The following CNST variants were observed in gnomAD, a reference collection of about 807,000 sequenced individuals.
CNST encodes consortin.
Under a neutral mutation model 72.4 loss-of-function variants are expected in CNST, and 39 were observed. The observed-to-expected ratio is 0.54, with a 90% CI of 0.42 to 0.70. CNST has a LOEUF of 0.70. Ranked by LOEUF, CNST falls within the 30% of genes least tolerant of loss-of-function variation. The pLI, the probability that CNST is intolerant of heterozygous loss-of-function variation, is 0.00. For synonymous variants in CNST, 332 were observed against 320.1 expected (o/e 1.04, Z -0.40); for missense variants, 871 against 868.5 (o/e 1.00, Z -0.04).
chr1:246,578,387 C>G lies in CNST; in HGVS notation c.-52+11724C>G, dbSNP rs1181725669. Among the ~76,000 whole-genome samples the G allele has an allele frequency of 2.0e-5, 3 of 152,012 alleles. No individual in the cohort carries two copies. In the East Asian group the frequency reaches 5.8e-4, roughly 29 times the overall value. ...GTGTGGATTCTGTATTAACCATTGCCTTCGGCTGGGCGTGGTGGCTCACGC... is the reference window on the plus strand; with the variant it reads ...GTGTGGATTCTGTATTAACCATTGCGTTCGGCTGGGCGTGGTGGCTCACGC... On this transcript the variant is annotated intron_variant, in intron 1 of 10. Transcript: ENST00000366513.
In CNST at chr1:246,665,697, C is replaced by T; in HGVS notation, c.1973-3C>T. 2 of 1,611,464 alleles carry T rather than the reference C, an allele frequency of 1.2e-6. No individual in the cohort carries two copies. Among genetic ancestry groups the T allele is most frequent in the Non-Finnish European group, 1.7e-6 (2 of 1,178,956 alleles). On this transcript the variant is annotated splice_region_variant and splice_polypyrimidine_tract_variant and intron_variant, in intron 10 of 10. Coordinates refer to ENST00000366513, the MANE Select transcript of CNST (RefSeq NM_152609.3). ...GTAACCTCACTCTTTCTCATGTTTG[C>T]AGATGAAGTTGGAGGTGGCTCCTGT... is the stretch of plus-strand genomic sequence containing the variant.
chr1:246,660,118 G>T (rs1052379008), intron 9 of CNST, 81 bp from the exon 10 acceptor site: 2 of 1,196,022 alleles, frequency 1.7e-6, no homozygotes. Context: ...TCAAATATCT[G>T]TTGAATGAGC....
chr1:246,634,452 T>C, intron 5 of CNST, 21 bp from the exon 6 acceptor site: 1 of 1,451,928 alleles, frequency 6.9e-7, no homozygotes, highest in Non-Finnish European at 9.4e-7. Context: ...AGCCAGTGAC[T>C]AACAAATACT....
At chr1:246,636,312 G>A (rs1431022826) in intron 6 of CNST, among the ~76,000 whole-genome samples, 2 of 152,066 alleles carry the variant, frequency 1.3e-5, no homozygotes, top group African/African-American at 2.4e-5. Flanking sequence ...TTACTGGGTT[G>A]GTAAGTGTCC....
At chr1:246,601,921 T>A (rs1054423399) in intron 2 of CNST, among the ~76,000 whole-genome samples, 3 of 152,200 alleles carry the variant, frequency 2.0e-5, no homozygotes, top group African/African-American at 7.2e-5. Flanking sequence ...TGGAAGATGG[T>A]AGGAGATGAG....
intron 9 of CNST, among the ~76,000 whole-genome samples, chr1:246,659,061 G>A (rs913745878): frequency 6.6e-6 from 1 of 152,158 alleles, no homozygotes; most frequent in African/African-American, 2.4e-5. Context: ...TAAAGGGGTG[G>A]GGTGGGTGTC....
intron 9 of CNST, among the ~76,000 whole-genome samples, chr1:246,658,369 T>G (rs973829081): frequency 2.6e-5 from 4 of 152,202 alleles, no homozygotes; most frequent in African/African-American, 9.6e-5. Context: ...TATTTGTACT[T>G]TACCATTTCA....
intron 8 of CNST, among the ~76,000 whole-genome samples, chr1:246,645,423 A>ATTTTTTTTTTTTTTTTTTTT (rs762655117): frequency 1.9e-5 from 2 of 106,072 alleles, no homozygotes; most frequent in African/African-American, 3.5e-5. Context: ...AAAGGTTAAA[A>ATTTTTTTTTTTTTTTTTTTT]CTTTTTTTTT....
chr1:246,644,388 CAAAAAA>C (rs58278885), intron 8 of CNST, among the ~76,000 whole-genome samples: 41 of 102,148 alleles, frequency 4.0e-4, no homozygotes, highest in Admixed American at 6.6e-4. Context: ...ACTCTGTCTC[CAAAAAA>C]AAAAAAAAAA....
Position 246,647,178 on chromosome 1 carries a change from G to A in CNST, c.977G>A (p.Ser326Asn), listed in dbSNP as rs781697479. The change falls in exon 9 of 11, where the codon AGC becomes AAC. Residue 326 changes from serine to asparagine, a missense_variant. Physicochemically the swap from Ser to Asn is conservative, Grantham distance 46. Coordinates refer to ENST00000366513, the MANE Select transcript of CNST (RefSeq NM_152609.3). ...CTCGGCACAGAGTCAAGTAAAGAAA[G>A]CCAACATACAGTGGAGCCCCTGGGG... ...TCLGTESSKE[S>N]QHTVEPLGSS... 6.2e-7 allele frequency: 1 copy of A among 1,613,990 alleles called. No homozygotes were observed. The highest frequency in any genetic ancestry group is 8.5e-7 in the Non-Finnish European group (1 of 1,179,988).
intron 2 of CNST, among the ~76,000 whole-genome samples, chr1:246,610,555 C>T (rs1269303762): frequency 6.6e-6 from 1 of 152,076 alleles, no homozygotes; most frequent in African/African-American, 2.4e-5. Context: ...TATTGAAAAC[C>T]GGACATTGGT....
At chr1:246,637,562 CA>C (rs1204946395) in intron 6 of CNST, among the ~76,000 whole-genome samples, 2 of 152,150 alleles carry the variant, frequency 1.3e-5, no homozygotes, top group Admixed American at 6.5e-5. Context: ...CACGGAGTCT[CA>C]TGAGGGTGTA....
chr1:246,625,110 C>T (rs550343478), intron 3 of CNST, among the ~76,000 whole-genome samples: 1 of 152,334 alleles, frequency 6.6e-6, no homozygotes, highest in Non-Finnish European at 1.5e-5. Context: ...CCATTATCAA[C>T]CCCAAGAAAT....
rs1664799738 is a variant in CNST at position 246,631,979 on chromosome 1, A to G, written c.616+55A>G. 27 of 994,350 alleles carry G rather than the reference A, an allele frequency of 2.7e-5. No individual in the cohort carries two copies. The South Asian group carries it at 3.4e-4, about 13-fold the overall frequency. The allele number at this position is 994,350 out of a possible 1,614,324, so 61.6% of individuals were successfully genotyped here. A position where few individuals can be genotyped will look rare whatever the true frequency, so the allele number is the denominator to read the frequency against. On this transcript the variant is annotated intron_variant, in intron 4 of 10. Transcript: ENST00000366513. ...TTTTAGAACTCTTACAGAACCATTC[A>G]TTTTTTTTAATTGAAGTATATTTTA...
chr1:246,568,271 C>T (rs1659848806), intron 1 of CNST, among the ~76,000 whole-genome samples: 1 of 152,172 alleles, frequency 6.6e-6, no homozygotes, highest in Non-Finnish European at 1.5e-5. Flanking sequence ...CCTAGAAAAA[C>T]TGATGTCATT....
intron 2 of CNST, among the ~76,000 whole-genome samples, chr1:246,598,494 CTAGTT>C (rs1307619026): frequency 1.3e-5 from 2 of 152,076 alleles, no homozygotes; most frequent in East Asian, 3.9e-4. Context: ...CAGTTCCATA[CTAGTT>C]TAATGTCAGA....
intron 2 of CNST, among the ~76,000 whole-genome samples, chr1:246,610,540 C>T (rs938841016): frequency 6.6e-6 from 1 of 152,094 alleles, no homozygotes. Flanking sequence ...TTGGTGATGT[C>T]TTTGTATTGA....
At chr1:246,650,036 T>G (rs1354895932) in intron 9 of CNST, among the ~76,000 whole-genome samples, 1 of 152,104 alleles carries the variant, frequency 6.6e-6, no homozygotes, top group African/African-American at 2.4e-5. Flanking sequence ...CTTTCCCAAA[T>G]TATTTTTCCC....
chr1:246,632,252 T>C lies in CNST; in HGVS notation c.616+328T>C, dbSNP rs767321879. On this transcript the variant is annotated intron_variant, in intron 4 of 10. Transcript: ENST00000366513. ...TACAGAACACTCAACAGTGTACATT[T>C]AACCCAGTTTAGCGGCATGTTCTTT... is the stretch of plus-strand genomic sequence containing the variant. The C allele has an allele frequency of 1.0e-5, 3 of 294,364 alleles. No individual in the cohort carries two copies. The Admixed American group carries it at 1.2e-4, about 12-fold the overall frequency. 18.2% of individuals were successfully genotyped at this position (294,364 alleles called of 1,614,324 possible). A position where few individuals can be genotyped will look rare whatever the true frequency, so the allele number is the denominator to read the frequency against.
Sources: gnomAD v4.1 joint callset for allele counts (sites outside exome capture counted in the v4.1 genomes callset) on GRCh38, gnomAD v4.1.1 for gene constraint, MANE v1.5 for transcripts, NCBI Gene and HGNC (gene_info 2026-07-23, HGNC 2026-07-21) for gene names.